Variants in JARID2 observed in about 807,000 individuals in gnomAD.
JARID2 encodes protein Jumonji.
JARID2 carries 21 observed loss-of-function variants against 125.6 expected under a neutral mutation model. The observed-to-expected ratio is 0.17, with a 90% CI of 0.12 to 0.24. The LOEUF (loss-of-function observed/expected upper bound fraction) is 0.24, where lower values mean the gene tolerates loss of function less well. Among genes scored for constraint, JARID2 ranks in the 10% least tolerant of loss-of-function variants. The pLI is 1.00. For synonymous variants in JARID2, 736 were observed against 661.6 expected (o/e 1.11, Z -1.73); for missense variants, 1,303 against 1,639.6 (o/e 0.79, Z 3.55).
At chr6:15,436,654 A>G (rs186112791) in intron 3 of JARID2, among the ~76,000 whole-genome samples, 3 of 152,070 alleles carry the variant, frequency 2.0e-5, no homozygotes, top group East Asian at 1.9e-4. Flanking sequence ...CACCTTCCCT[A>G]TCATTTAAAG....
intron 1 of JARID2, among the ~76,000 whole-genome samples, chr6:15,300,683 T>TTGTGTGTGTG (rs35433395): frequency 7.3e-3 from 834 of 114,084 alleles, no homozygotes; most frequent in East Asian, 0.017. Flanking sequence ...TGTCCTCATG[T>TTGTGTGTGTG]TGTGTGTGTG....
At chr6:15,370,342 T>G (rs1033345077) in intron 1 of JARID2, among the ~76,000 whole-genome samples, 1 of 150,798 alleles carries the variant, frequency 6.6e-6, no homozygotes, top group African/African-American at 2.4e-5. Flanking sequence ...TTTTTTTTTT[T>G]TTTTTTTTTT....
chr6:15,488,066 C>G (rs749198586), intron 6 of JARID2, among the ~76,000 whole-genome samples: 6 of 152,194 alleles, frequency 3.9e-5, no homozygotes, highest in African/African-American at 7.2e-5. Flanking sequence ...CCACTGAAGG[C>G]ATTTGAGTCC....
intron 2 of JARID2, among the ~76,000 whole-genome samples, chr6:15,398,724 CTAGAA>C (rs1765309620): frequency 1.3e-5 from 2 of 152,138 alleles, no homozygotes. Context: ...CTTTAATTGA[CTAGAA>C]TAGGAGGAAG....
intron 2 of JARID2, among the ~76,000 whole-genome samples, chr6:15,401,792 C>G (rs940784455): frequency 6.6e-6 from 1 of 152,046 alleles, no homozygotes; most frequent in Non-Finnish European, 1.5e-5. Flanking sequence ...TGGCCACATT[C>G]CTATAGTGCT....
chr6:15,315,007 G>A (rs1286362089), intron 1 of JARID2: 2 of 152,202 alleles, frequency 1.3e-5, no homozygotes, highest in African/African-American at 4.8e-5. Flanking sequence ...ACAGAAATTT[G>A]TGAAGCATTC....
At chr6:15,481,946 A>G (rs963757018) in intron 5 of JARID2, among the ~76,000 whole-genome samples, 18 of 152,134 alleles carry the variant, frequency 1.2e-4, no homozygotes, top group African/African-American at 3.9e-4. Context: ...CCCCTTTCCT[A>G]TAATCCTGGT....
intron 5 of JARID2, among the ~76,000 whole-genome samples, chr6:15,472,144 A>G (rs1404627370): frequency 6.6e-6 from 1 of 151,534 alleles, no homozygotes; most frequent in Admixed American, 6.6e-5. Flanking sequence ...GATAGTGTGA[A>G]TCCTGGCTCC....
chr6:15,327,851 T>A (rs891219274), intron 1 of JARID2, among the ~76,000 whole-genome samples: 1 of 152,190 alleles, frequency 6.6e-6, no homozygotes, highest in African/African-American at 2.4e-5. Context: ...GGCTCAATGT[T>A]ATGTCTTTTG....
chr6:15,364,347 G>T (rs1341112819), intron 1 of JARID2, among the ~76,000 whole-genome samples: 2 of 152,176 alleles, frequency 1.3e-5, no homozygotes, highest in African/African-American at 4.8e-5. Context: ...ACTGGCTGGT[G>T]GATAGGACTG....
intron 8 of JARID2, among the ~76,000 whole-genome samples, chr6:15,501,911 C>T (rs1388317677): frequency 6.6e-6 from 1 of 152,226 alleles, no homozygotes; most frequent in Non-Finnish European, 1.5e-5. Context: ...TGGTGCTCGA[C>T]AGCTGCCCAG....
intron 1 of JARID2, among the ~76,000 whole-genome samples, chr6:15,355,800 C>T (rs1401214609): frequency 3.3e-5 from 5 of 152,120 alleles, no homozygotes; most frequent in Non-Finnish European, 5.9e-5. Flanking sequence ...TTAGTAGAGA[C>T]GGGTTTTGCC....
At chr6:15,416,771 C>T (rs1020295811) in intron 3 of JARID2, among the ~76,000 whole-genome samples, 11 of 151,696 alleles carry the variant, frequency 7.3e-5, no homozygotes, top group African/African-American at 2.7e-4. Flanking sequence ...TAGAATGGAA[C>T]CATTACAGAG....
chr6:15,281,574 C>T (rs928318985), intron 1 of JARID2, among the ~76,000 whole-genome samples: 2 of 152,178 alleles, frequency 1.3e-5, no homozygotes, highest in African/African-American at 2.4e-5. Context: ...GGGTTCCCCG[C>T]GTGGGGGGCC....
intron 6 of JARID2, among the ~76,000 whole-genome samples, chr6:15,494,313 C>T (rs72837821): frequency 0.14 from 21,849 of 151,894 alleles, 1,691 homozygotes; most frequent in African/African-American, 0.17. Context: ...CCATCCCAGA[C>T]CCTCTGACTT....
intron 1 of JARID2, among the ~76,000 whole-genome samples, chr6:15,308,122 C>T (rs911746010): frequency 6.6e-6 from 1 of 152,222 alleles, no homozygotes; most frequent in African/African-American, 2.4e-5. Context: ...TTAGCAGCTT[C>T]TAGTCCTCTT....
At chr6:15,314,444 T>G (rs930292979) in intron 1 of JARID2, among the ~76,000 whole-genome samples, 2 of 152,226 alleles carry the variant, frequency 1.3e-5, no homozygotes, top group African/African-American at 2.4e-5. Flanking sequence ...TAAGTATTTG[T>G]TAAAATAATG....
At chr6:15,281,576 T>TG (rs986602607) in intron 1 of JARID2, among the ~76,000 whole-genome samples, 1 of 152,154 alleles carries the variant, frequency 6.6e-6, no homozygotes, top group Non-Finnish European at 1.5e-5. Context: ...GTTCCCCGCG[T>TG]GGGGGGCCCC....
At chr6:15,352,899 T>C (rs1222587714) in intron 1 of JARID2, among the ~76,000 whole-genome samples, 1 of 152,238 alleles carries the variant, frequency 6.6e-6, no homozygotes, top group African/African-American at 2.4e-5. Flanking sequence ...TTGCTTTTAT[T>C]GGTGAACAAT....
Sources: allele counts gnomAD v4.1 joint callset (sites outside exome capture counted in the v4.1 genomes callset), GRCh38; gene constraint gnomAD v4.1.1; transcripts MANE v1.5; gene names NCBI Gene and HGNC (gene_info 2026-07-23, HGNC 2026-07-21).